The following CNTNAP2 variants were observed in gnomAD, a reference collection of about 807,000 sequenced individuals.
The protein encoded by CNTNAP2 is contactin associated protein 2.
In CNTNAP2, 98 loss-of-function variants were observed where a neutral mutation model predicts 155.2. The ratio of observed to expected loss-of-function variants is 0.63; its 90% CI spans 0.54 to 0.75. The LOEUF (loss-of-function observed/expected upper bound fraction) is 0.75. Ranked by LOEUF, CNTNAP2 falls within the 30% of genes least tolerant of loss-of-function variation. The probability of loss-of-function intolerance (pLI) is 0.00; values close to 1 mark genes in which losing one functional copy is unlikely to be tolerated. For missense variants in CNTNAP2, 1,727 were observed against 1,688.1 expected (o/e 1.02, Z -0.40); for synonymous variants, 651 against 631.2 (o/e 1.03, Z -0.47).
At position 147,070,817 on chromosome 7, in the gene CNTNAP2, G is replaced by A. The variant is rs562155045; in HGVS notation, c.550+26763G>A. The stretch of plus-strand genomic sequence containing the variant: ...TCATATTGTTGGCTGGAAGGTTTAA[G>A]GAATTATTTGAGAAGGCTTCTCATT... On this transcript the variant is annotated intron_variant, in intron 4 of 23. Transcript: ENST00000361727. 1.7e-4 allele frequency among the ~76,000 whole-genome samples: 26 copies of A among 151,690 alleles called. No individual in the cohort carries two copies. The Middle Eastern group carries it at 0.014, about 79-fold the overall frequency.
intron 13 of CNTNAP2, among the ~76,000 whole-genome samples, chr7:147,785,363 G>A (rs1234296266): frequency 3.3e-5 from 5 of 152,166 alleles, no homozygotes; most frequent in African/African-American, 1.2e-4. Flanking sequence ...GCTGAGTGTT[G>A]CTGAGAGGCC....
chr7:147,023,519 A>G (rs75235771), intron 3 of CNTNAP2, among the ~76,000 whole-genome samples: 8,759 of 152,278 alleles, frequency 0.058, 335 homozygotes, highest in Middle Eastern at 0.13. Flanking sequence ...TTAAGAATAC[A>G]AAATACTTCC....
rs185983133 is a variant in CNTNAP2 at position 146,399,286 on chromosome 7, C to A, written c.97+282313C>A. 2.0e-5 allele frequency among the ~76,000 whole-genome samples: 3 copies of A among 152,264 alleles called. No individual in the cohort carries two copies. The East Asian group carries it at 5.8e-4, about 29-fold the overall frequency. ...TCTTGAACTTATTCCCATTGTCTAA[C>A]TGAAATTTTGTATCTGTTGAGTAAC... On this transcript the variant is annotated intron_variant, in intron 1 of 23. Transcript: ENST00000361727.
chr7:146,340,109 C>T (rs1801351747), intron 1 of CNTNAP2, among the ~76,000 whole-genome samples: 1 of 138,300 alleles, frequency 7.2e-6, no homozygotes, highest in South Asian at 2.2e-4. Flanking sequence ...GCTGAGCTTG[C>T]AGTGAGCGGA....
chr7:146,130,489 A>G (rs1405196331), intron 1 of CNTNAP2, among the ~76,000 whole-genome samples: 1 of 152,220 alleles, frequency 6.6e-6, no homozygotes, highest in Non-Finnish European at 1.5e-5. Flanking sequence ...TTTTTTTAAA[A>G]AGAATTTAGG....
intron 13 of CNTNAP2, among the ~76,000 whole-genome samples, chr7:147,895,343 A>G (rs1316365051): frequency 6.6e-6 from 1 of 151,974 alleles, no homozygotes; most frequent in Non-Finnish European, 1.5e-5. Flanking sequence ...TCCCTTTCCC[A>G]GTTTAATCAT....
At chr7:146,481,299 T>C (rs1290551180) in intron 1 of CNTNAP2, among the ~76,000 whole-genome samples, 3 of 152,214 alleles carry the variant, frequency 2.0e-5, no homozygotes, top group Non-Finnish European at 4.4e-5. Context: ...AAGAAATGTT[T>C]GGGTAATATC....
At chr7:146,990,742 T>TTTG (rs1798194208) in intron 3 of CNTNAP2, among the ~76,000 whole-genome samples, 1 of 152,068 alleles carries the variant, frequency 6.6e-6, no homozygotes, top group Admixed American at 6.6e-5. Context: ...TGACACATGT[T>TTTG]TTGTGGTCTG....
intron 1 of CNTNAP2, among the ~76,000 whole-genome samples, chr7:146,288,346 A>G (rs1212114159): frequency 6.6e-6 from 1 of 150,944 alleles, no homozygotes; most frequent in African/African-American, 2.4e-5. Context: ...TGACCTTTGG[A>G]GTGTACAAGA....
chr7:147,254,166 GAC>G (rs1482937443), intron 8 of CNTNAP2, among the ~76,000 whole-genome samples: 2 of 152,130 alleles, frequency 1.3e-5, no homozygotes, highest in African/African-American at 2.4e-5. Flanking sequence ...CAGGGTGCAA[GAC>G]ACAGTCTGTT....
At position 148,415,602 on chromosome 7, in the gene CNTNAP2, G is replaced by T; in HGVS notation, c.3982G>T (p.Glu1328Ter). The T allele has an allele frequency of 6.2e-7, 1 of 1,614,178 alleles. No individual in the cohort carries two copies. The highest frequency in any genetic ancestry group is 8.5e-7 in the Non-Finnish European group (1 of 1,180,024). The part of the protein sequence containing the change: ...FTETIDESKK[E>*]WLI ...AGAGACCATTGATGAAAGCAAAAAG[G>T]AATGGCTCATTTGAGGGGTGGCTAC... Residue 1328 changes from glutamate to a stop codon, truncating the protein, a stop_gained, in exon 24 of 24, where the codon GAA (glutamate) becomes TAA (stop). Coordinates refer to ENST00000361727, the MANE Select transcript of CNTNAP2 (RefSeq NM_014141.6). LOFTEE classifies it high-confidence loss of function.
chr7:148,077,701 T>C (rs1304810955), intron 15 of CNTNAP2, among the ~76,000 whole-genome samples: 2 of 152,236 alleles, frequency 1.3e-5, no homozygotes, highest in Non-Finnish European at 2.9e-5. Flanking sequence ...TTGACTGAAT[T>C]GTCTCATCAG....
chr7:146,906,326 T>G (rs1040294957), intron 3 of CNTNAP2, among the ~76,000 whole-genome samples: 1 of 152,208 alleles, frequency 6.6e-6, no homozygotes, highest in Non-Finnish European at 1.5e-5. Context: ...TGGCTGCCTC[T>G]GTAGGCTCCA....
chr7:147,372,867 A>G (rs899514162), intron 9 of CNTNAP2, among the ~76,000 whole-genome samples: 1 of 151,992 alleles, frequency 6.6e-6, no homozygotes, highest in Non-Finnish European at 1.5e-5. Flanking sequence ...ACTACTTAAC[A>G]TCCTGGCAAA....
chr7:146,595,876 T>C (rs183019230), intron 1 of CNTNAP2, among the ~76,000 whole-genome samples: 3 of 152,220 alleles, frequency 2.0e-5, no homozygotes, highest in East Asian at 1.9e-4. Flanking sequence ...AGTGTTCTAT[T>C]TGATGTTGAG....
intron 4 of CNTNAP2, among the ~76,000 whole-genome samples, chr7:147,083,525 TATATATATATAC>T (rs1177899866): frequency 2.4e-5 from 2 of 82,088 alleles, no homozygotes; most frequent in Non-Finnish European, 5.2e-5. Context: ...CATCATTTTA[TATATATATATAC>T]ATATATATAT....
At chr7:147,349,128 G>A (rs1563170100) in intron 9 of CNTNAP2, among the ~76,000 whole-genome samples, 1 of 151,814 alleles carries the variant, frequency 6.6e-6, no homozygotes, top group Non-Finnish European at 1.5e-5. Flanking sequence ...GCTAAAAAGA[G>A]GATATTCAAC....
chr7:146,507,884 T>G (rs1047524481), intron 1 of CNTNAP2, among the ~76,000 whole-genome samples: 2 of 152,202 alleles, frequency 1.3e-5, no homozygotes, highest in Admixed American at 1.3e-4. Context: ...TGTCGCCCTT[T>G]CCATGTGAAG....
chr7:147,855,901 A>C (rs75536477), intron 13 of CNTNAP2, among the ~76,000 whole-genome samples: 6,728 of 152,162 alleles, frequency 0.044, 266 homozygotes, highest in Admixed American at 0.12. Context: ...TTGAACACCT[A>C]TTTTTTGTAA....
Sources: allele counts gnomAD v4.1 joint callset (sites outside exome capture counted in the v4.1 genomes callset), GRCh38; gene constraint gnomAD v4.1.1; transcripts MANE v1.5; gene names NCBI Gene and HGNC (gene_info 2026-07-23, HGNC 2026-07-21).